ZDHHC14: variants seen among roughly 807,000 people sequenced by gnomAD.
The protein encoded by ZDHHC14 is zDHHC palmitoyltransferase 14.
ZDHHC14 carries 16 observed loss-of-function variants against 47.7 expected under a neutral mutation model. That is an observed-to-expected ratio of 0.34 (90% CI 0.23 to 0.51). ZDHHC14 has a LOEUF of 0.51. ZDHHC14 is among the 20% of genes least tolerant of loss of function. The pLI is 0.97. For synonymous variants in ZDHHC14, 293 were observed against 278.9 expected (o/e 1.05, Z -0.50); for missense variants, 515 against 662.5 (o/e 0.78, Z 2.44).
In ZDHHC14 at chr6:157,635,762, G is replaced by A. The variant is rs141743690; in HGVS notation, c.752+2880G>A. On this transcript the variant is annotated intron_variant, in intron 5 of 8. Coordinates refer to ENST00000359775, the MANE Select transcript of ZDHHC14 (RefSeq NM_024630.3). ...GAAGCAAGCGTGGCAGTAGCGTGCT[G>A]GCCGTGCCCGGAGCCTGCAGCGGGA... 1.1e-4 allele frequency among the ~76,000 whole-genome samples: 17 copies of A among 152,332 alleles called. No homozygotes were observed. In the East Asian group the frequency reaches 3.3e-3, roughly 29 times the overall value.
intron 1 of ZDHHC14, among the ~76,000 whole-genome samples, chr6:157,454,667 C>A (rs1238527617): frequency 1.3e-5 from 2 of 152,024 alleles, no homozygotes; most frequent in Non-Finnish European, 2.9e-5. Context: ...TGGGACCTGG[C>A]CTTAATGCAT....
intron 1 of ZDHHC14, among the ~76,000 whole-genome samples, chr6:157,394,521 G>A (rs1777484255): frequency 6.6e-6 from 1 of 152,208 alleles, no homozygotes; most frequent in Admixed American, 6.5e-5. Context: ...CAGAGGCCAT[G>A]TAGAGGGGTT....
At chr6:157,411,287 T>C (rs984359423) in intron 1 of ZDHHC14, among the ~76,000 whole-genome samples, 3 of 152,056 alleles carry the variant, frequency 2.0e-5, no homozygotes, top group African/African-American at 7.2e-5. Flanking sequence ...AGTGACATCA[T>C]ACAGAGATGG....
At chr6:157,570,083 G>T (rs1311957413) in intron 2 of ZDHHC14, among the ~76,000 whole-genome samples, 1 of 152,130 alleles carries the variant, frequency 6.6e-6, no homozygotes, top group African/African-American at 2.4e-5. Context: ...CTTCTGTACT[G>T]GTAATCCTAA....
At chr6:157,603,071 C>T (rs572096762) in intron 3 of ZDHHC14, among the ~76,000 whole-genome samples, 6 of 152,268 alleles carry the variant, frequency 3.9e-5, no homozygotes, top group South Asian at 4.1e-4. Flanking sequence ...TGGATGTTGC[C>T]GTGGCTTACT....
chr6:157,460,781 G>C (rs953822036), intron 1 of ZDHHC14, among the ~76,000 whole-genome samples: 7 of 152,166 alleles, frequency 4.6e-5, no homozygotes, highest in Admixed American at 4.6e-4. Context: ...TCCCCCGTTT[G>C]CTTATGGCTG....
At chr6:157,485,371 T>A (rs950066443) in intron 1 of ZDHHC14, among the ~76,000 whole-genome samples, 1 of 152,200 alleles carries the variant, frequency 6.6e-6, no homozygotes, top group African/African-American at 2.4e-5. Flanking sequence ...CGAGGAAGTA[T>A]AGGAGCAAGA....
intron 3 of ZDHHC14, among the ~76,000 whole-genome samples, chr6:157,603,741 T>C (rs967875853): frequency 2.0e-5 from 3 of 152,162 alleles, no homozygotes; most frequent in African/African-American, 7.2e-5. Context: ...GGTTCAGGTC[T>C]CCTCAAATGT....
intron 8 of ZDHHC14, among the ~76,000 whole-genome samples, chr6:157,658,371 T>C (rs918388573): frequency 7.9e-5 from 12 of 152,182 alleles, no homozygotes; most frequent in African/African-American, 2.9e-4. Flanking sequence ...TCTCTGATCC[T>C]TGCAGCTCCA....
At position 157,537,009 on chromosome 6, in the gene ZDHHC14, G is replaced by A. The variant is rs1352656093; in HGVS notation, c.246-5576G>A. The stretch of plus-strand genomic sequence containing the variant: ...AATTTTTTGTATTTTTAGTAGAGAC[G>A]GGGTTTCACCGTTTTAGCCGGGATG... On this transcript the variant is annotated intron_variant, in intron 1 of 8. Transcript: ENST00000359775. 5.3e-5 allele frequency among the ~76,000 whole-genome samples: 4 copies of A among 76,056 alleles called. 1 individual carries two copies. The highest frequency in any genetic ancestry group is 1.8e-4 in the African/African-American group (4 of 21,844). The allele number at this position is 76,056 out of a possible 152,430, so 49.9% of individuals were successfully genotyped here. A position where few individuals can be genotyped will look rare whatever the true frequency, so the allele number is the denominator to read the frequency against.
chr6:157,512,699 GA>G (rs763808308), intron 1 of ZDHHC14, among the ~76,000 whole-genome samples: 1 of 151,798 alleles, frequency 6.6e-6, no homozygotes, highest in East Asian at 1.9e-4. Context: ...AAGAAAGAAA[GA>G]AAAAAAGACA....
At chr6:157,432,918 G>C (rs1374821408) in intron 1 of ZDHHC14, among the ~76,000 whole-genome samples, 3 of 152,334 alleles carry the variant, frequency 2.0e-5, no homozygotes, top group Non-Finnish European at 1.5e-5. Context: ...GGATCCAGAT[G>C]GTTGTTCCAA....
chr6:157,665,224 A>G (rs1481287238), intron 8 of ZDHHC14, among the ~76,000 whole-genome samples: 3 of 152,284 alleles, frequency 2.0e-5, no homozygotes, highest in Non-Finnish European at 2.9e-5. Context: ...TCAGTTCTCC[A>G]TCATTCCTGG....
chr6:157,632,703 G>T, intron 4 of ZDHHC14, 131 bp from the exon 5 acceptor site: 1 of 882,258 alleles, frequency 1.1e-6, no homozygotes, highest in Non-Finnish European at 1.9e-6. Context: ...GGTAAACTGG[G>T]TGTCGTAGCA....
intron 1 of ZDHHC14, among the ~76,000 whole-genome samples, chr6:157,508,797 A>G (rs772148958): frequency 1.3e-5 from 2 of 152,152 alleles, no homozygotes; most frequent in Non-Finnish European, 1.5e-5. Context: ...ATGAATTTTT[A>G]AATTCACCTG....
chr6:157,617,633 G>T (rs1785022267), intron 3 of ZDHHC14, among the ~76,000 whole-genome samples: 1 of 152,188 alleles, frequency 6.6e-6, no homozygotes, highest in South Asian at 2.1e-4. Context: ...CCTGAGAATT[G>T]CTAGCTTTCT....
chr6:157,571,447 G>A (rs1014754443), intron 2 of ZDHHC14, among the ~76,000 whole-genome samples: 2 of 152,174 alleles, frequency 1.3e-5, no homozygotes, highest in Admixed American at 6.5e-5. Flanking sequence ...GGAAACTCAC[G>A]ATGCTATAAA....
intron 1 of ZDHHC14, among the ~76,000 whole-genome samples, chr6:157,542,126 C>G (rs1353914981): frequency 6.6e-6 from 1 of 152,114 alleles, no homozygotes; most frequent in Non-Finnish European, 1.5e-5. Context: ...TGAAAGTTCC[C>G]GAGTCATTTG....
intron 2 of ZDHHC14, among the ~76,000 whole-genome samples, chr6:157,559,245 T>C (rs530814868): frequency 6.6e-6 from 1 of 152,376 alleles, no homozygotes; most frequent in East Asian, 1.9e-4. Context: ...CTGGGACAAG[T>C]GGGCTTTAGC....
Sources: gnomAD v4.1 joint callset for allele counts (sites outside exome capture counted in the v4.1 genomes callset) on GRCh38, gnomAD v4.1.1 for gene constraint, MANE v1.5 for transcripts, NCBI Gene and HGNC (gene_info 2026-07-23, HGNC 2026-07-21) for gene names.